The following NCOR2 variants were observed in gnomAD, a reference collection of about 807,000 sequenced individuals.
The protein encoded by NCOR2 is nuclear receptor corepressor 2.
A neutral mutation model predicts 262.9 loss-of-function variants in NCOR2; 81 were observed. The observed-to-expected ratio is 0.31, with a 90% confidence interval of 0.26 to 0.37. NCOR2 has a LOEUF of 0.37. NCOR2 is among the 10% of genes least tolerant of loss of function. The pLI is 1.00. For missense variants in NCOR2, 3,385 were observed against 3,621.4 expected (o/e 0.93, Z 1.68); for synonymous variants, 1,659 against 1,559.3 (o/e 1.06, Z -1.51).
intron 44 of NCOR2, among the ~76,000 whole-genome samples, chr12:124,330,354 G>A (rs566481950): frequency 4.6e-5 from 7 of 152,374 alleles, no homozygotes; most frequent in Admixed American, 2.6e-4. Context: ...GCTTAAAAGT[G>A]CGTGTCAATT....
chr12:124,325,310 G>A, exon 47 of NCOR2: 1 of 858,994 alleles, frequency 1.2e-6, no homozygotes, highest in Non-Finnish European at 1.6e-6. Flanking sequence ...TCCTTCCTTG[G>A]TTGGGGGAGT....
chr12:124,503,327 G>C lies in NCOR2; in HGVS notation c.-117-7959C>G, dbSNP rs956371831. ...GACTCCCCACCCAGGTGCTCAGCAG[G>C]GGGTGGCTGGATGGAGGGAGAAGAT... On this transcript the variant is annotated intron_variant, in intron 1 of 46. Transcript: ENST00000404621. This position sits in a 1 kb window ranked among gnomAD's most constrained non-coding sequence, Gnocchi z 4.3. Among the ~76,000 whole-genome samples, 1 of 152,260 alleles carries C rather than the reference G, an allele frequency of 6.6e-6. No individual in the cohort carries two copies. The highest frequency in any genetic ancestry group is 1.5e-5 in the Non-Finnish European group (1 of 68,050).
At chr12:124,405,742 C>G (rs1204095140) in intron 13 of NCOR2, among the ~76,000 whole-genome samples, 1 of 152,170 alleles carries the variant, frequency 6.6e-6, no homozygotes, top group Non-Finnish European at 1.5e-5. Flanking sequence ...GCTCACAACT[C>G]CCCCTGAGGA....
rs568512309 is a variant in NCOR2 at position 124,418,284 on chromosome 12, G to A, written c.1482+1673C>T. ...AGGACCGAGTTCAGCCCCAGGCATC[G>A]TGGCTGGATGTTGGGAATGCGGCGA... On this transcript the variant is annotated intron_variant, in intron 13 of 46. Transcript: ENST00000405201. 3.9e-5 allele frequency among the ~76,000 whole-genome samples: 6 copies of A among 152,268 alleles called. No homozygotes were observed. The South Asian group carries it at 8.3e-4, about 21-fold the overall frequency.
rs754036774 is a variant in NCOR2 at position 124,378,095 on chromosome 12, C to T, written c.2167+142G>A. ...AGTTTCTGGCAAGTCAGGCCCGCAC[C>T]TTCCAGGGAGTCGAGGCCCCTTCTA... On this transcript the variant is annotated intron_variant, in intron 18 of 46. Transcript: ENST00000405201. The surrounding 1 kb of genome is among the most constrained non-coding windows in gnomAD (Gnocchi z 4.2). The T allele has an allele frequency of 1.4e-5, 21 of 1,487,616 alleles. No individual in the cohort carries two copies. Among genetic ancestry groups the T allele is most frequent in the Non-Finnish European group, 1.8e-5 (20 of 1,120,114 alleles). The allele number at this position is 1,487,616 out of a possible 1,614,324, so 92.2% of individuals were successfully genotyped here. A position where few individuals can be genotyped will look rare whatever the true frequency, so the allele number is the denominator to read the frequency against.
At chr12:124,333,882 G>GCGCA (rs2035530842) in intron 41 of NCOR2, among the ~76,000 whole-genome samples, 1 of 117,710 alleles carries the variant, frequency 8.5e-6, no homozygotes, top group Admixed American at 8.5e-5. Flanking sequence ...GTGTGCGGGT[G>GCGCA]TGCATGTGTG....
At chr12:124,473,131 C>T (rs1195324444) in exon 4 of NCOR2, 1 of 1,613,704 alleles carries the variant, frequency 6.2e-7, no homozygotes, top group East Asian at 2.2e-5. Flanking sequence ...AGGCTACGGT[C>T]CTGTGGCAGA....
intron 13 of NCOR2, among the ~76,000 whole-genome samples, chr12:124,407,521 A>G (rs1395587829): frequency 3.3e-5 from 5 of 152,188 alleles, no homozygotes; most frequent in Non-Finnish European, 7.3e-5. Context: ...GACCTTTCTC[A>G]AAAGGTGCAG....
At chr12:124,439,317 A>G (rs111205148) in intron 7 of NCOR2, among the ~76,000 whole-genome samples, 2,436 of 81,754 alleles carry the variant, frequency 0.03, 8 homozygotes, top group Admixed American at 0.043. Flanking sequence ...ACAGAGACCC[A>G]GAGACAGAGG....
At chr12:124,387,580 G>A (rs1347120675) in intron 16 of NCOR2, among the ~76,000 whole-genome samples, 1 of 152,126 alleles carries the variant, frequency 6.6e-6, no homozygotes, top group African/African-American at 2.4e-5. Flanking sequence ...TGACTGACAG[G>A]CCACCTGTTC....
At chr12:124,331,171 T>A (rs112395349) in intron 43 of NCOR2, among the ~76,000 whole-genome samples, 12,221 of 151,718 alleles carry the variant, frequency 0.081, 872 homozygotes, top group African/African-American at 0.19. Flanking sequence ...CAAGTGATTC[T>A]CCTGCCTCAG....
chr12:124,377,240 G>A (rs548919075), intron 18 of NCOR2, among the ~76,000 whole-genome samples: 22 of 152,288 alleles, frequency 1.4e-4, no homozygotes, highest in African/African-American at 5.1e-4. Flanking sequence ...GCACACGATG[G>A]CTTTACGCCC....
chr12:124,360,346 G>A (rs2038455071), intron 22 of NCOR2, among the ~76,000 whole-genome samples: 1 of 152,204 alleles, frequency 6.6e-6, no homozygotes, highest in African/African-American at 2.4e-5. Flanking sequence ...ACGCCCCACT[G>A]GCTTTGCCTC....
In NCOR2 at chr12:124,483,145, G is replaced by C. The variant is rs747470087; in HGVS notation, c.411+451C>G. Among the ~76,000 whole-genome samples the C allele has an allele frequency of 6.6e-5, 10 of 152,048 alleles. No individual in the cohort carries two copies. Among genetic ancestry groups the C allele is most frequent in the Non-Finnish European group, 1.3e-4 (9 of 67,990 alleles). On this transcript the variant is annotated intron_variant, in intron 3 of 46. Transcript: ENST00000405201. The surrounding 1 kb of genome is among the most constrained non-coding windows in gnomAD (Gnocchi z 6.3). Reference sequence around the variant, plus strand: ...CGAGGCAGGGGTCACTGAGCCCCCTGTTCCAAGCAAGCATGGAACCAAACA... The same window carrying C: ...CGAGGCAGGGGTCACTGAGCCCCCTCTTCCAAGCAAGCATGGAACCAAACA...
At chr12:124,420,723 C>T (rs767405335) in intron 12 of NCOR2, among the ~76,000 whole-genome samples, 10 of 152,232 alleles carry the variant, frequency 6.6e-5, no homozygotes, top group African/African-American at 1.4e-4. Flanking sequence ...TGCCACGATG[C>T]CCCCACTTGC....
At chr12:124,497,769 A>G (rs2048451657), upstream of NCOR2, among the ~76,000 whole-genome samples, 1 of 152,220 alleles carries the variant, frequency 6.6e-6, no homozygotes, top group South Asian at 2.1e-4. The surrounding 1 kb of genome is among the most constrained non-coding windows in gnomAD (Gnocchi z 4.2). Flanking sequence ...CAGAATGCCT[A>G]ATACTGCTGT....
intron 1 of NCOR2, among the ~76,000 whole-genome samples, chr12:124,542,262 G>C (rs968064413): frequency 2.6e-5 from 4 of 152,050 alleles, no homozygotes; most frequent in African/African-American, 9.7e-5. Context: ...TGTGCCTCCA[G>C]GACCCATGAT....
At chr12:124,416,955 T>A (rs575377338) in intron 13 of NCOR2, among the ~76,000 whole-genome samples, 3 of 152,360 alleles carry the variant, frequency 2.0e-5, no homozygotes, top group Admixed American at 2.0e-4. Flanking sequence ...AAGCTCCCCA[T>A]GTCCTGCACA....
exon 40 of NCOR2, chr12:124,335,231 C>T (rs1228367028): frequency 1.4e-5 from 22 of 1,609,754 alleles, no homozygotes; most frequent in Non-Finnish European, 1.8e-5. Context: ...TCTCAGGCAG[C>T]GGCCGCAGGT....
Sources: gnomAD v4.1 joint callset for allele counts (sites outside exome capture counted in the v4.1 genomes callset) on GRCh38, gnomAD v4.1.1 for gene constraint, Gnocchi (gnomAD v3.1) non-coding constraint, MANE v1.5 for transcripts, NCBI Gene and HGNC (gene_info 2026-07-23, HGNC 2026-07-21) for gene names.